The following TASP1 variants were observed in gnomAD, a reference collection of about 807,000 sequenced individuals.
TASP1 encodes threonine aspartase 1.
In TASP1, 16 loss-of-function variants were observed where a neutral mutation model predicts 56.6. That is an observed-to-expected ratio of 0.28 (90% CI 0.19 to 0.43). The LOEUF is 0.43. Ranked by LOEUF, TASP1 falls within the 20% of genes least tolerant of loss-of-function variation. The pLI is 1.00. For missense variants in TASP1, 393 were observed against 511.6 expected (o/e 0.77, Z 2.24); for synonymous variants, 179 against 184.2 (o/e 0.97, Z 0.23).
intron 4 of TASP1, among the ~76,000 whole-genome samples, chr20:13,601,807 C>T (rs1286756725): frequency 1.3e-5 from 2 of 149,560 alleles, no homozygotes; most frequent in African/African-American, 2.5e-5. Context: ...CCCTTGATAT[C>T]GTATGATGAG....
At chr20:13,346,629 C>T in the TASP1 span, among the ~76,000 whole-genome samples, 1 of 152,224 alleles carries the variant, frequency 6.6e-6, no homozygotes, top group Non-Finnish European at 1.5e-5. Flanking sequence ...GTCCTCCTGA[C>T]AACTTCAAGG....
the TASP1 span, among the ~76,000 whole-genome samples, chr20:13,152,477 G>T: frequency 6.6e-6 from 1 of 152,160 alleles, no homozygotes; most frequent in Middle Eastern, 3.2e-3. Context: ...GGACCCAAAG[G>T]TTCAGATGAT....
the TASP1 span, among the ~76,000 whole-genome samples, chr20:13,169,660 A>C: frequency 7.0e-4 from 107 of 152,314 alleles, no homozygotes; most frequent in Middle Eastern, 3.4e-3. Context: ...ATTATTTTTT[A>C]AATGATTTCT....
chr20:13,595,755 A>C (rs1478544456), intron 4 of TASP1, among the ~76,000 whole-genome samples: 2 of 152,228 alleles, frequency 1.3e-5, no homozygotes, highest in Admixed American at 6.5e-5. Flanking sequence ...AAAGAGATTT[A>C]GACTCCCACA....
chr20:13,159,886 TAAAAAAG>T, the TASP1 span: 1,876 of 1,363,422 alleles, frequency 1.4e-3, 3 homozygotes, highest in African/African-American at 9.3e-3. Context: ...CTTATTATCA[TAAAAAAG>T]AAAAAAGAAA....
At chr20:13,160,083 G>A in the TASP1 span, 25 of 1,613,612 alleles carry the variant, frequency 1.5e-5, no homozygotes, top group Admixed American at 5.0e-5. Context: ...GCAGAAGCTC[G>A]GGCTCGGTTT....
chr20:13,512,074 A>G lies in TASP1; in HGVS notation c.874+16359T>C, dbSNP rs948478023. ...AGTGCCGCAATATACATACCTGTGC[A>G]TGTGTCTTTATAGCAGCATGTTTTA... On this transcript the variant is annotated intron_variant, in intron 10 of 13. Coordinates refer to ENST00000337743, the MANE Select transcript of TASP1 (RefSeq NM_017714.3). 3.3e-5 allele frequency among the ~76,000 whole-genome samples: 5 copies of G among 152,226 alleles called. No homozygotes were observed. In the South Asian group the frequency reaches 6.2e-4, roughly 19 times the overall value.
chr20:13,126,410 T>C, the TASP1 span, among the ~76,000 whole-genome samples: 3 of 152,194 alleles, frequency 2.0e-5, no homozygotes, highest in African/African-American at 7.2e-5. Context: ...GGAGAGACTA[T>C]GAAGGAAATA....
the TASP1 span, among the ~76,000 whole-genome samples, chr20:13,357,238 A>G: frequency 6.8e-6 from 1 of 147,210 alleles, no homozygotes; most frequent in Non-Finnish European, 1.5e-5. Flanking sequence ...TGGGGCTGAG[A>G]TAGGAAGAAT....
the TASP1 span, among the ~76,000 whole-genome samples, chr20:13,135,814 A>G: frequency 1.3e-5 from 2 of 152,364 alleles, no homozygotes; most frequent in Admixed American, 6.5e-5. Context: ...AAGAAAAATC[A>G]TAATGTCTCT....
At chr20:13,363,341 A>G in the TASP1 span, among the ~76,000 whole-genome samples, 1 of 152,146 alleles carries the variant, frequency 6.6e-6, no homozygotes, top group Non-Finnish European at 1.5e-5. Context: ...GGGTTCAGAA[A>G]GCTTCCAGTG....
intron 4 of TASP1, chr20:13,614,529 A>G (rs2295505): frequency 0.26 from 41,802 of 162,984 alleles, 6,851 homozygotes; most frequent in African/African-American, 0.48. Flanking sequence ...ACTGCCCACT[A>G]TGAGCTCAAG....
the TASP1 span, among the ~76,000 whole-genome samples, chr20:13,362,808 AATATATAT>A: frequency 2.2e-3 from 258 of 114,848 alleles, 5 homozygotes; most frequent in Admixed American, 7.9e-3. Flanking sequence ...AATAGCAAGA[AATATATAT>A]ATATATATAT....
At chr20:13,570,291 G>C (rs915662873) in intron 6 of TASP1, among the ~76,000 whole-genome samples, 1 of 152,126 alleles carries the variant, frequency 6.6e-6, no homozygotes, top group Non-Finnish European at 1.5e-5. Context: ...TAAGCAAATA[G>C]TAATAGCAAG....
chr20:13,179,221 A>AT, the TASP1 span, among the ~76,000 whole-genome samples: 4 of 152,198 alleles, frequency 2.6e-5, no homozygotes, highest in African/African-American at 9.6e-5. Context: ...TAATTTTAGT[A>AT]TTTTTATAAT....
At chr20:13,585,829 A>G (rs1390380572) in intron 5 of TASP1, among the ~76,000 whole-genome samples, 1 of 152,166 alleles carries the variant, frequency 6.6e-6, no homozygotes, top group Non-Finnish European at 1.5e-5. Flanking sequence ...ATATATGCAT[A>G]TGTACCTAAA....
chr20:13,587,431 C>A, intron 4 of TASP1, 61 bp from the exon 5 acceptor site: 1 of 1,410,708 alleles, frequency 7.1e-7, no homozygotes. Flanking sequence ...TAATGTCAGT[C>A]CTTCATGAAA....
intron 1 of TASP1, among the ~76,000 whole-genome samples, chr20:13,635,929 A>G (rs952792103): frequency 6.6e-6 from 1 of 152,024 alleles, no homozygotes; most frequent in Admixed American, 6.6e-5. Context: ...ACTGTATGTG[A>G]TGACACTGTT....
chr20:13,512,125 A>G (rs979934032), intron 10 of TASP1, among the ~76,000 whole-genome samples: 1 of 152,122 alleles, frequency 6.6e-6, no homozygotes, highest in Non-Finnish European at 1.5e-5. Flanking sequence ...ATACCCAGTA[A>G]TGGGATGGCT....
Sources: allele counts gnomAD v4.1 joint callset (sites outside exome capture counted in the v4.1 genomes callset), GRCh38; gene constraint gnomAD v4.1.1; transcripts MANE v1.5; gene names NCBI Gene and HGNC (gene_info 2026-07-23, HGNC 2026-07-21).